ORC2: variants seen among roughly 807,000 people sequenced by gnomAD.
The protein encoded by ORC2 is origin recognition complex subunit 2, also known as origin recognition complex protein 2 homolog.
In ORC2, 37 loss-of-function variants were observed where a neutral mutation model predicts 77.7. The ratio of observed to expected loss-of-function variants is 0.48; its 90% confidence interval spans 0.37 to 0.63. The LOEUF is 0.63. ORC2 is among the 20% of genes least tolerant of loss of function. The pLI is 0.00. For missense variants in ORC2, 557 were observed against 661.9 expected (o/e 0.84, Z 1.74); for synonymous variants, 201 against 229.5 (o/e 0.88, Z 1.12).
chr2:200,923,409 C>T (rs1175292591), intron 13 of ORC2, among the ~76,000 whole-genome samples: 4 of 151,946 alleles, frequency 2.6e-5, no homozygotes, highest in South Asian at 2.1e-4. Flanking sequence ...CCACCAGGAC[C>T]GGCTAGTTTT....
At chr2:200,951,952 T>C (rs2041364889) in intron 4 of ORC2, among the ~76,000 whole-genome samples, 1 of 152,172 alleles carries the variant, frequency 6.6e-6, no homozygotes, top group Non-Finnish European at 1.5e-5. Context: ...CAAAACCATA[T>C]TCTCTTATAT....
chr2:200,939,356 C>G (rs1199728325), intron 7 of ORC2, among the ~76,000 whole-genome samples: 1 of 152,158 alleles, frequency 6.6e-6, no homozygotes, highest in Non-Finnish European at 1.5e-5. Context: ...ATAACCACTG[C>G]AGAAAATTCC....
intron 7 of ORC2, 124 bp downstream of exon 7, chr2:200,941,124 A>C: frequency 1.5e-6 from 1 of 672,192 alleles, no homozygotes; most frequent in Non-Finnish European, 2.5e-6. Context: ...TAACTGCCAA[A>C]TATCTGTAAA....
In ORC2 at chr2:200,961,591, T is replaced by C. The variant is rs10189671; in HGVS notation, c.-60+1899A>G. Among the ~76,000 whole-genome samples, 468 of 152,312 alleles carry C rather than the reference T, an allele frequency of 3.1e-3. 2 individuals carry two copies. The highest frequency in any genetic ancestry group is 0.011 in the African/African-American group (448 of 41,560). Reference sequence around the variant, plus strand: ...AAAGTTTCTCTAACTTTCCAGTTCATTGGGTGAAACATCACTAGTTCTATC... The same window carrying C: ...AAAGTTTCTCTAACTTTCCAGTTCACTGGGTGAAACATCACTAGTTCTATC... On this transcript the variant is annotated intron_variant, in intron 1 of 17. Coordinates refer to ENST00000234296, the MANE Select transcript of ORC2 (RefSeq NM_006190.5).
At position 200,935,232 on chromosome 2, in the gene ORC2, C is replaced by T. The variant is rs16835949; in HGVS notation, c.708+467G>A. On this transcript the variant is annotated intron_variant, in intron 9 of 17. Coordinates refer to ENST00000234296, the MANE Select transcript of ORC2 (RefSeq NM_006190.5). Reference sequence around the variant, plus strand: ...CTGCCTCCTGGGTTCCAGCAATTCTCCTGCTTCAGCCTCCCGCGTAGCTGG... The same window carrying T: ...CTGCCTCCTGGGTTCCAGCAATTCTTCTGCTTCAGCCTCCCGCGTAGCTGG... Among the ~76,000 whole-genome samples, 1,467 of 152,328 alleles carry T rather than the reference C, an allele frequency of 9.6e-3. 19 individuals are homozygous for T. Among genetic ancestry groups the T allele is most frequent in the African/African-American group, 0.034 (1,401 of 41,572 alleles).
chr2:200,934,016 A>C, intron 9 of ORC2, 42 bp from the exon 10 acceptor site: 1 of 949,822 alleles, frequency 1.1e-6, no homozygotes. Flanking sequence ...AGCTTCAAAT[A>C]TCTGTCTCAT....
intron 11 of ORC2, among the ~76,000 whole-genome samples, chr2:200,928,082 AT>A (rs2040874025): frequency 6.6e-6 from 1 of 151,734 alleles, no homozygotes; most frequent in Admixed American, 6.6e-5. Context: ...TTGGCCGGGC[AT>A]GATGGCTCAC....
chr2:200,916,408 C>T (rs1045698548), intron 15 of ORC2, among the ~76,000 whole-genome samples: 10 of 151,974 alleles, frequency 6.6e-5, no homozygotes, highest in African/African-American at 2.2e-4. Context: ...TTCCTTAAAC[C>T]CCAGAGAGGG....
At chr2:200,955,939 A>G (rs971308518) in intron 4 of ORC2, among the ~76,000 whole-genome samples, 5 of 152,232 alleles carry the variant, frequency 3.3e-5, no homozygotes, top group Non-Finnish European at 7.3e-5. Flanking sequence ...AACCACACAC[A>G]TAATACCAGC....
intron 15 of ORC2, among the ~76,000 whole-genome samples, chr2:200,916,895 C>G (rs1405780653): frequency 6.6e-6 from 1 of 151,710 alleles, no homozygotes; most frequent in African/African-American, 2.4e-5. Flanking sequence ...GGGATTTCAC[C>G]ATGTTAGCCA....
In ORC2 at chr2:200,911,387, C is replaced by T; in HGVS notation, c.1648G>A (p.Gly550Arg). Residue 550 changes from glycine to arginine, a missense_variant and splice_region_variant, in exon 18 of 18, where the codon GGA becomes AGA. Physicochemically the swap from Gly to Arg is moderately radical, Grantham distance 125. Transcript: ENST00000234296. ...AATAAATACTCTACTCCATCAGTTC[C>T]CTGAAAGATTTAAGAATACCTGTAC... ...RDHKLIRTKK[G>R]TDGVEYLLIP... 2 of 1,561,984 alleles carry T rather than the reference C, an allele frequency of 1.3e-6. No homozygotes were observed. The highest frequency in any genetic ancestry group is 1.8e-6 in the Non-Finnish European group (2 of 1,132,906).
intron 1 of ORC2, among the ~76,000 whole-genome samples, chr2:200,959,706 G>A (rs987269627): frequency 2.0e-5 from 3 of 152,198 alleles, no homozygotes; most frequent in African/African-American, 7.2e-5. Context: ...ACAGTTTTGA[G>A]TACTCCATAT....
At chr2:200,934,727 A>G (rs1292431956) in intron 9 of ORC2, among the ~76,000 whole-genome samples, 2 of 152,174 alleles carry the variant, frequency 1.3e-5, no homozygotes, top group African/African-American at 4.8e-5. Flanking sequence ...AAAGAAACCC[A>G]CAAACAAATA....
rs79016757 is a variant in ORC2 at position 200,942,711 on chromosome 2, G to T, written c.395C>A (p.Thr132Lys). ...SFSLKNDPEI[T>K]INVPQSSKGH... ...CTTGCTACTTTGAGGAACGTTTATCGTAATCTCAGGATCATTCTTCAAACT... is the reference window on the plus strand; with the variant it reads ...CTTGCTACTTTGAGGAACGTTTATCTTAATCTCAGGATCATTCTTCAAACT... The change falls in exon 6 of 18, where the codon ACG (threonine) becomes AAG (lysine). Residue 132 changes from threonine to lysine, a missense_variant. Transcript: ENST00000234296. 1 of 1,606,360 alleles carries T rather than the reference G, an allele frequency of 6.2e-7. No individual in the cohort carries two copies. The highest frequency in any genetic ancestry group is 8.5e-7 in the Non-Finnish European group (1 of 1,175,432).
At chr2:200,937,830 C>T in intron 8 of ORC2, 76 bp downstream of exon 8, 1 of 937,808 alleles carries the variant, frequency 1.1e-6, no homozygotes, top group Admixed American at 2.1e-5. Flanking sequence ...AAGTCTAGAA[C>T]CTATATACTT....
Position 200,937,278 on chromosome 2 carries a change from A to T in ORC2, c.514+628T>A, listed in dbSNP as rs559307140. 5.9e-5 allele frequency among the ~76,000 whole-genome samples: 9 copies of T among 152,338 alleles called. No individual in the cohort carries two copies. In the South Asian group the frequency reaches 1.9e-3, roughly 32 times the overall value. Reference sequence around the variant, plus strand: ...TAGTTGACATGAAATAACAATCACAACTATACAGATCTTTTACTGCTTTAA... The same window carrying T: ...TAGTTGACATGAAATAACAATCACATCTATACAGATCTTTTACTGCTTTAA... On this transcript the variant is annotated intron_variant, in intron 8 of 17. Transcript: ENST00000234296.
rs1339841497 is a variant in ORC2 at position 200,911,325 on chromosome 2, C to T, written c.1710G>A (p.Leu570=). Residue 570 remains leucine (L), a synonymous_variant, in exon 18 of 18, where the codon TTG becomes TTA. Transcript: ENST00000234296. ...TTCAAGCCTCCTCTTCTTCCTTTTC[C>T]AAGAAATCAGTCAATGTTCCATTAT... The part of the protein sequence containing the change: ...PVDNGTLTDF[L]EKEEEEA 6.2e-7 allele frequency: 1 copy of T among 1,608,202 alleles called. No individual in the cohort carries two copies. Among genetic ancestry groups the T allele is most frequent in the South Asian group, 1.1e-5 (1 of 90,914 alleles).
intron 17 of ORC2, 66 bp downstream of exon 17, chr2:200,913,229 T>A (rs1343620154): frequency 8.3e-7 from 1 of 1,203,516 alleles, no homozygotes; most frequent in Admixed American, 2.2e-5. Context: ...GTCAAACATA[T>A]ATGTGTCCTT....
chr2:200,956,843 T>G (rs915327564), intron 4 of ORC2, among the ~76,000 whole-genome samples: 5 of 152,128 alleles, frequency 3.3e-5, no homozygotes, highest in African/African-American at 1.2e-4. Context: ...ATAAAAGGAA[T>G]GAGATCATGT....
Sources: allele counts gnomAD v4.1 joint callset (sites outside exome capture counted in the v4.1 genomes callset), GRCh38; gene constraint gnomAD v4.1.1; transcripts MANE v1.5; gene names NCBI Gene and HGNC (gene_info 2026-07-23, HGNC 2026-07-21).